The following HS6ST3 variants were observed in gnomAD, a reference collection of about 807,000 sequenced individuals.
The protein encoded by HS6ST3 is heparan sulfate 6-O-sulfotransferase 3, also known as heparan-sulfate 6-O-sulfotransferase 3.
HS6ST3 carries 12 observed loss-of-function variants against 36.7 expected under a neutral mutation model. That is an observed-to-expected ratio of 0.33 (90% CI 0.21 to 0.53). The LOEUF (loss-of-function observed/expected upper bound fraction) is 0.53. HS6ST3 is among the 20% of genes least tolerant of loss of function. HS6ST3 has a pLI of 0.95. For missense variants in HS6ST3, 584 were observed against 640.9 expected (o/e 0.91, Z 0.96); for synonymous variants, 240 against 257.5 (o/e 0.93, Z 0.65).
chr13:96,250,372 T>A (rs1319663089), intron 1 of HS6ST3, among the ~76,000 whole-genome samples: 2 of 152,154 alleles, frequency 1.3e-5, no homozygotes, highest in Non-Finnish European at 2.9e-5. Flanking sequence ...GATGTGTAAG[T>A]TAAGAATCTG....
At chr13:96,323,176 T>G (rs1044656866) in intron 1 of HS6ST3, among the ~76,000 whole-genome samples, 3 of 152,230 alleles carry the variant, frequency 2.0e-5, no homozygotes, top group Non-Finnish European at 4.4e-5. Context: ...ATTGCATATA[T>G]AGTGACACTT....
chr13:96,612,686 C>G (rs1214006103), intron 1 of HS6ST3, among the ~76,000 whole-genome samples: 7 of 151,978 alleles, frequency 4.6e-5, no homozygotes, highest in African/African-American at 1.7e-4. Flanking sequence ...TCCTGGACTC[C>G]TCTCTCTCAC....
At chr13:96,261,035 C>T (rs900460551) in intron 1 of HS6ST3, among the ~76,000 whole-genome samples, 3 of 152,022 alleles carry the variant, frequency 2.0e-5, no homozygotes, top group Non-Finnish European at 4.4e-5. Context: ...AAATAGGAAT[C>T]ATAAGAACAA....
rs191535250 is a variant in HS6ST3, at chr13:96,259,348, C to G, written c.707+167779C>G. Among the ~76,000 whole-genome samples the G allele has an allele frequency of 2.0e-3, 301 of 152,212 alleles. 3 individuals carry two copies. The highest frequency in any genetic ancestry group is 5.8e-4 in the East Asian group (3 of 5,172). ...TTATGCAAGTACTGACAGGCACAGACCTAGAAAGCTCCCCTGACTGTCATA... is the reference window on the plus strand; with the variant it reads ...TTATGCAAGTACTGACAGGCACAGAGCTAGAAAGCTCCCCTGACTGTCATA... On this transcript the variant is annotated intron_variant, in intron 1 of 1. Transcript: ENST00000376705.
At chr13:96,585,692 G>A (rs1233916002) in intron 1 of HS6ST3, among the ~76,000 whole-genome samples, 1 of 152,124 alleles carries the variant, frequency 6.6e-6, no homozygotes, top group Non-Finnish European at 1.5e-5. Context: ...CCACATGTAA[G>A]TGAGATCGTG....
chr13:96,316,770 A>G (rs1377708710), intron 1 of HS6ST3, among the ~76,000 whole-genome samples: 1 of 152,214 alleles, frequency 6.6e-6, no homozygotes, highest in Non-Finnish European at 1.5e-5. Flanking sequence ...ATGAACAAAC[A>G]CGCCTACCCC....
At chr13:96,345,593 G>T (rs901862486) in intron 1 of HS6ST3, among the ~76,000 whole-genome samples, 1 of 152,114 alleles carries the variant, frequency 6.6e-6, no homozygotes, top group Non-Finnish European at 1.5e-5. Context: ...GTACCACATT[G>T]TTTGTGGGTA....
At chr13:96,423,195 G>T (rs1029465652) in intron 1 of HS6ST3, among the ~76,000 whole-genome samples, 1 of 152,028 alleles carries the variant, frequency 6.6e-6, no homozygotes, top group Non-Finnish European at 1.5e-5. Context: ...ATTCTAATTC[G>T]GGTATTTTAC....
chr13:96,272,482 A>T (rs139420326), intron 1 of HS6ST3, among the ~76,000 whole-genome samples: 2 of 152,106 alleles, frequency 1.3e-5, no homozygotes, highest in Non-Finnish European at 2.9e-5. Context: ...AGCAAGGGGA[A>T]TAGAAACTTC....
intron 1 of HS6ST3, among the ~76,000 whole-genome samples, chr13:96,133,642 C>T (rs1318835734): frequency 4.0e-5 from 6 of 151,286 alleles, no homozygotes; most frequent in Admixed American, 1.3e-4. Context: ...AGGCTGGACT[C>T]GAACTCCTGA....
intron 1 of HS6ST3, among the ~76,000 whole-genome samples, chr13:96,735,761 G>T (rs1036856486): frequency 7.2e-5 from 11 of 152,122 alleles, no homozygotes; most frequent in African/African-American, 2.7e-4. Flanking sequence ...ATGTAAAAAA[G>T]TTTAAGCTGT....
rs2056578385 is a variant in HS6ST3 at position 96,643,697 on chromosome 13, A to T, written c.708-188793A>T. Among the ~76,000 whole-genome samples the T allele has an allele frequency of 2.0e-5, 3 of 151,722 alleles. No homozygotes were observed. The South Asian group carries it at 6.2e-4, about 31-fold the overall frequency. On this transcript the variant is annotated intron_variant, in intron 1 of 1. Coordinates refer to ENST00000376705, the MANE Select transcript of HS6ST3 (RefSeq NM_153456.4). Reference sequence around the variant, plus strand: ...GCCCTGTGAGTGGAGTCTTCCAGGGAAACATTAGACAGACCAAATAATGAA... The same window carrying T: ...GCCCTGTGAGTGGAGTCTTCCAGGGTAACATTAGACAGACCAAATAATGAA...
At position 96,747,834 on chromosome 13, in the gene HS6ST3, G is replaced by A. The variant is rs146303780; in HGVS notation, c.708-84656G>A. Among the ~76,000 whole-genome samples, 756 of 152,130 alleles carry A rather than the reference G, an allele frequency of 5.0e-3. 8 individuals carry two copies. Among genetic ancestry groups the A allele is most frequent in the African/African-American group, 0.017 (709 of 41,518 alleles). On this transcript the variant is annotated intron_variant, in intron 1 of 1. Coordinates refer to ENST00000376705, the MANE Select transcript of HS6ST3 (RefSeq NM_153456.4). Reference sequence around the variant, plus strand: ...ACTAGAGACAGTGTGCTCAAAAAATGATGATGCTAGGGTGTTCCATATGGG... The same window carrying A: ...ACTAGAGACAGTGTGCTCAAAAAATAATGATGCTAGGGTGTTCCATATGGG...
intron 1 of HS6ST3, among the ~76,000 whole-genome samples, chr13:96,755,612 T>G (rs991163477): frequency 1.3e-4 from 20 of 152,106 alleles, no homozygotes; most frequent in Admixed American, 1.2e-3. Context: ...ATCCACCTGC[T>G]TTGGCCTCCC....
At chr13:96,802,556 G>A (rs6491307) in intron 1 of HS6ST3, among the ~76,000 whole-genome samples, 41,542 of 152,018 alleles carry the variant, frequency 0.27, 7,577 homozygotes, top group African/African-American at 0.52. Context: ...TTAATTATCC[G>A]TCATTTGGTC....
At chr13:96,678,364 A>G (rs959701449) in intron 1 of HS6ST3, among the ~76,000 whole-genome samples, 4 of 152,140 alleles carry the variant, frequency 2.6e-5, no homozygotes, top group African/African-American at 9.7e-5. Context: ...TTAGTATAGC[A>G]TGATAGCTAG....
intron 1 of HS6ST3, among the ~76,000 whole-genome samples, chr13:96,571,412 A>T (rs1566400140): frequency 6.6e-6 from 1 of 152,240 alleles, no homozygotes; most frequent in Non-Finnish European, 1.5e-5. Context: ...AAATAAGGTC[A>T]ATGATAAACA....
intron 1 of HS6ST3, among the ~76,000 whole-genome samples, chr13:96,601,882 T>A (rs553501489): frequency 5.2e-4 from 79 of 152,250 alleles, no homozygotes; most frequent in African/African-American, 1.8e-3. Flanking sequence ...TCTGTATAAG[T>A]TCGTTGTTTA....
intron 1 of HS6ST3, among the ~76,000 whole-genome samples, chr13:96,265,676 G>C (rs11616565): frequency 0.014 from 2,203 of 152,232 alleles, 27 homozygotes; most frequent in East Asian, 0.054. Flanking sequence ...ATGCGGGGAG[G>C]GGTCAGTGGA....
Sources: allele counts gnomAD v4.1 joint callset (sites outside exome capture counted in the v4.1 genomes callset), GRCh38; gene constraint gnomAD v4.1.1; transcripts MANE v1.5; gene names NCBI Gene and HGNC (gene_info 2026-07-23, HGNC 2026-07-21).